The following PCDHGB3 variants were observed in gnomAD, a reference collection of about 807,000 sequenced individuals.
The protein encoded by PCDHGB3 is protocadherin gamma subfamily B, 3.
A neutral mutation model predicts 59.2 loss-of-function variants in PCDHGB3; 40 were observed. That is an observed-to-expected ratio of 0.68 (90% CI 0.52 to 0.88). PCDHGB3 has a LOEUF of 0.88. PCDHGB3 is among the 40% of genes least tolerant of loss of function. PCDHGB3 has a pLI of 0.00. For missense variants in PCDHGB3, 1,309 were observed against 1,187.9 expected (o/e 1.10, Z -1.50); for synonymous variants, 581 against 503.6 (o/e 1.15, Z -2.06).
chr5:141,479,521 T>A (rs4912607), intron 1 of PCDHGB3: 2 of 152,104 alleles, frequency 1.3e-5, no homozygotes, highest in Non-Finnish European at 2.9e-5. Context: ...CTGGCCCAGG[T>A]TGGAAGTGGA....
In PCDHGB3 at chr5:141,490,801, A is replaced by G; in HGVS notation, c.2416-4006A>G. On this transcript the variant is annotated intron_variant, in intron 1 of 3. Transcript: ENST00000576222. The surrounding 1 kb of genome is among the most constrained non-coding windows in gnomAD (Gnocchi z 5.4). ...GGATGGACGGATCTTTGCCCAGCGT[A>G]CCTTTGACTATGAATTGCTGCAGAT... The G allele has an allele frequency of 6.2e-7, 1 of 1,613,854 alleles. No homozygotes were observed. Among genetic ancestry groups the G allele is most frequent in the African/African-American group, 1.3e-5 (1 of 75,042 alleles).
Position 141,490,350 on chromosome 5 carries a change from G to T in PCDHGB3, c.2416-4457G>T. On this transcript the variant is annotated intron_variant, in intron 1 of 3. Transcript: ENST00000576222. This position sits in a 1 kb window ranked among gnomAD's most constrained non-coding sequence, Gnocchi z 5.4. Reference sequence around the variant, plus strand: ...GCACACCAGTGGGCACAGTAGTGGGGTTGTTTAATGTGCGAGACCGGGACT... The same window carrying T: ...GCACACCAGTGGGCACAGTAGTGGGTTTGTTTAATGTGCGAGACCGGGACT... 2 of 1,614,204 alleles carry T rather than the reference G, an allele frequency of 1.2e-6. No homozygotes were observed. The highest frequency in any genetic ancestry group is 1.7e-6 in the Non-Finnish European group (2 of 1,180,034).
Position 141,370,896 on chromosome 5 carries a change from C to A in PCDHGB3, c.502C>A (p.Gln168Lys). 1 of 1,614,040 alleles carries A rather than the reference C, an allele frequency of 6.2e-7. No individual in the cohort carries two copies. Reference sequence around the variant, plus strand: ...TCCTGATGTAGGTGTCAATTCGCTGCAGCAGTACTACCTCAGCCCTGATCC... The same window carrying A: ...TCCTGATGTAGGTGTCAATTCGCTGAAGCAGTACTACCTCAGCCCTGATCC... ...QDPDVGVNSL[Q>K]QYYLSPDPHF... is the part of the protein sequence containing the mutation. Residue 168 changes from glutamine to lysine, a missense_variant, in exon 1 of 4, where the codon CAG becomes AAG. By Grantham distance (53) the Gln-to-Lys change is moderately conservative (BLOSUM62 1). Transcript: ENST00000576222.
Position 141,485,609 on chromosome 5 carries a change from G to C in PCDHGB3, c.2416-9198G>C, listed in dbSNP as rs1432367043. On this transcript the variant is annotated intron_variant, in intron 1 of 3. Coordinates refer to ENST00000576222, the MANE Select transcript of PCDHGB3 (RefSeq NM_018924.5). The surrounding 1 kb of genome is among the most constrained non-coding windows in gnomAD (Gnocchi z 5.7). ...GCTGGACTTGGAAATTGGGGAGGCA[G>C]CTCCTCCAGGACAGCGTTTCCCGTT... The C allele has an allele frequency of 1.2e-6, 2 of 1,612,138 alleles. No homozygotes were observed. Among genetic ancestry groups the C allele is most frequent in the Non-Finnish European group, 1.7e-6 (2 of 1,178,664 alleles).
chr5:141,444,467 G>A (rs1288596542), intron 1 of PCDHGB3, among the ~76,000 whole-genome samples: 3 of 151,998 alleles, frequency 2.0e-5, no homozygotes, highest in African/African-American at 4.8e-5. Flanking sequence ...CACTGCGCCC[G>A]GTCGCGTACT....
chr5:141,450,491 G>C (rs1264524088), intron 1 of PCDHGB3, among the ~76,000 whole-genome samples: 1 of 151,896 alleles, frequency 6.6e-6, no homozygotes, highest in Non-Finnish European at 1.5e-5. Context: ...TTGTTTGTCT[G>C]TTTGTTTGTT....
At chr5:141,380,024 C>T (rs1326280237) in intron 1 of PCDHGB3, among the ~76,000 whole-genome samples, 1 of 150,698 alleles carries the variant, frequency 6.6e-6, no homozygotes, top group Non-Finnish European at 1.5e-5. Flanking sequence ...CTCAGCCTCC[C>T]AAGTAGCTGG....
chr5:141,403,816 A>G (rs2094457403), intron 1 of PCDHGB3: 4 of 1,613,874 alleles, frequency 2.5e-6, no homozygotes, highest in Non-Finnish European at 3.4e-6. Context: ...ATGAAAAACA[A>G]TCTCTGCTAT....
At chr5:141,405,031 C>T (rs760020802) in intron 1 of PCDHGB3, 4 of 1,613,968 alleles carry the variant, frequency 2.5e-6, no homozygotes, top group South Asian at 2.2e-5. Context: ...CCCTCTACCT[C>T]GTTGTGGCTG....
intron 1 of PCDHGB3, chr5:141,484,931 A>G (rs940135310): frequency 1.4e-5 from 7 of 497,998 alleles, no homozygotes; most frequent in Non-Finnish European, 2.5e-5. Flanking sequence ...TGCTGTTGGG[A>G]CGTTCTCTGC....
At chr5:141,496,639 C>T (rs752903356) in intron 2 of PCDHGB3, among the ~76,000 whole-genome samples, 1 of 152,222 alleles carries the variant, frequency 6.6e-6, no homozygotes, top group Non-Finnish European at 1.5e-5. Context: ...TTGGGCTGCC[C>T]TTGCCCTTCC....
chr5:141,417,842 C>G (rs1247720013), intron 1 of PCDHGB3: 2 of 1,537,166 alleles, frequency 1.3e-6, no homozygotes, highest in Admixed American at 2.0e-5. Flanking sequence ...GGGGACCCAG[C>G]GAGAACCCGA....
In PCDHGB3 at chr5:141,505,363, T is replaced by C. The variant is rs751635403; in HGVS notation, c.2475-30T>C. 1.6e-5 allele frequency: 26 copies of C among 1,613,242 alleles called. No individual in the cohort carries two copies. In the Middle Eastern group the frequency reaches 9.9e-4, roughly 61 times the overall value. On this transcript the variant is annotated intron_variant, in intron 2 of 3. Transcript: ENST00000576222. ...GGCATGAGCTGTGCCGGCCTGGGAG[T>C]CTGTGCTCACCATCCTACTCTCTCC... is the stretch of plus-strand genomic sequence containing the variant.
At chr5:141,459,632 A>G (rs1202000974) in intron 1 of PCDHGB3, among the ~76,000 whole-genome samples, 1 of 152,214 alleles carries the variant, frequency 6.6e-6, no homozygotes, top group East Asian at 1.9e-4. Flanking sequence ...AAGCTGCCAA[A>G]CTATTTTTCA....
intron 1 of PCDHGB3, chr5:141,417,974 G>A: frequency 6.2e-7 from 1 of 1,613,856 alleles, no homozygotes. Flanking sequence ...CTCGATTCCG[G>A]AGGAGCTGGC....
At chr5:141,374,058 C>T in intron 1 of PCDHGB3, 1 of 1,487,942 alleles carries the variant, frequency 6.7e-7, no homozygotes, top group Non-Finnish European at 8.9e-7. Context: ...CTTCTTAATC[C>T]CAGAGAAGTT....
rs2099664737 is a variant in PCDHGB3, at chr5:141,487,754, G to GTAGAC, written c.2416-7052_2416-7048dup. 1 of 1,552,036 alleles carries GTAGAC rather than the reference G, an allele frequency of 6.4e-7. No homozygotes were observed. The highest frequency in any genetic ancestry group is 1.4e-5 in the African/African-American group (1 of 73,242). ...CATTTTTGTAAGAGGTAACTATGTG[G>GTAGAC]TAGACGCTGTGCTTTGTAACTGTTT... On this transcript the variant is annotated intron_variant, in intron 1 of 3. Transcript: ENST00000576222. This position sits in a 1 kb window ranked among gnomAD's most constrained non-coding sequence, Gnocchi z 5.0.
intron 1 of PCDHGB3, chr5:141,419,492 A>G: frequency 6.2e-7 from 1 of 1,612,358 alleles, no homozygotes; most frequent in South Asian, 1.1e-5. Flanking sequence ...GCTCAGCGCC[A>G]ATGTGAGCCT....
rs1368298645 is a variant in PCDHGB3, at chr5:141,372,749, C to T, written c.2355C>T (p.Ala785=). 1.2e-6 allele frequency: 2 copies of T among 1,613,056 alleles called. No homozygotes were observed. The highest frequency in any genetic ancestry group is 1.7e-6 in the Non-Finnish European group (2 of 1,179,322). Residue 785 remains alanine, a synonymous_variant, in exon 1 of 4, where the codon GCC becomes GCT. Transcript: ENST00000576222. ...AAPQDLLCDE[A]SWFESNDNPE... ...CACAAGATCTTCTATGTGATGAAGC[C>T]TCTTGGTTTGAAAGTAATGACAATC...
Sources: gnomAD v4.1 joint callset for allele counts (sites outside exome capture counted in the v4.1 genomes callset) on GRCh38, gnomAD v4.1.1 for gene constraint, Gnocchi (gnomAD v3.1) non-coding constraint, MANE v1.5 for transcripts, NCBI Gene and HGNC (gene_info 2026-07-23, HGNC 2026-07-21) for gene names.